FJX1: variants seen among roughly 807,000 people sequenced by gnomAD.
FJX1 encodes the protein four-jointed box protein 1.
FJX1 carries 21 observed loss-of-function variants against 28.7 expected under a neutral mutation model. The observed-to-expected ratio is 0.73, with a 90% confidence interval of 0.52 to 1.05. FJX1 has a LOEUF of 1.05. Ranked by LOEUF, FJX1 falls within the 50% of genes least tolerant of loss-of-function variation. The probability of loss-of-function intolerance (pLI) is 0.00; values close to 1 mark genes in which losing one functional copy is unlikely to be tolerated. For synonymous variants in FJX1, 363 were observed against 310.0 expected (o/e 1.17, Z -1.80); for missense variants, 683 against 647.2 (o/e 1.06, Z -0.60).
In FJX1 at chr11:35,618,910, GGCCCGCCCC is replaced by G. The variant is rs1850857861; in HGVS notation, c.276_284del (p.Pro93_Arg95del). On this transcript the variant is annotated inframe_deletion, in exon 1 of 1. Coordinates refer to ENST00000317811, the MANE Select transcript of FJX1 (RefSeq NM_014344.4). The surrounding 1 kb of genome is among the most constrained non-coding windows in gnomAD (Gnocchi z 4.2). ...GCTCACCCTGGCGGCCGGCGCGGACGGCCCGCCCCGGCAGTCCCGGAGCGAGCCCAGGTG... is the reference window on the plus strand; with the variant it reads ...GCTCACCCTGGCGGCCGGCGCGGACGGGCAGTCCCGGAGCGAGCCCAGGTG... 5 of 1,401,756 alleles carry G rather than the reference GGCCCGCCCC, an allele frequency of 3.6e-6. No individual in the cohort carries two copies. The East Asian group carries it at 1.5e-4, about 43-fold the overall frequency. 86.8% of individuals were successfully genotyped at this position (1,401,756 alleles called of 1,614,324 possible).
Position 35,619,695 on chromosome 11 carries a change from G to A in FJX1, c.1059G>A (p.Trp353Ter). 6.2e-7 allele frequency: 1 copy of A among 1,603,158 alleles called. No homozygotes were observed. Among genetic ancestry groups the A allele is most frequent in the South Asian group, 1.1e-5 (1 of 90,146 alleles). The change falls in exon 1 of 1, where the codon TGG (tryptophan) becomes TGA (stop). Residue 353 changes from tryptophan (W) to a stop codon, truncating the protein, a stop_gained. Coordinates refer to ENST00000317811, the MANE Select transcript of FJX1 (RefSeq NM_014344.4). LOFTEE classifies it high-confidence loss of function. The surrounding 1 kb of genome is among the most constrained non-coding windows in gnomAD (Gnocchi z 7.6). ...LVHGYRVAGM[W>*]DKYNEPLLQS... is the part of the protein sequence containing the mutation. ...ACGGCTACCGGGTAGCAGGCATGTG[G>A]GACAAGTATAACGAGCCGCTGTTGC...
Position 35,620,493 on chromosome 11 carries a change from C to T in FJX1, c.*543C>T, listed in dbSNP as rs886998483. On this transcript the variant is annotated 3_prime_UTR_variant, in exon 1 of 1. Coordinates refer to ENST00000317811, the MANE Select transcript of FJX1 (RefSeq NM_014344.4). Reference sequence around the variant, plus strand: ...CACTGTTCCAAGCAGGGGGACGGCTCGCGATAGGACAAAGAGAGCAGGACC... The same window carrying T: ...CACTGTTCCAAGCAGGGGGACGGCTTGCGATAGGACAAAGAGAGCAGGACC... The T allele has an allele frequency of 5.6e-5, 11 of 195,156 alleles. No homozygotes were observed. The highest frequency in any genetic ancestry group is 1.0e-4 in the Non-Finnish European group (9 of 88,184). 12.1% of individuals were successfully genotyped at this position (195,156 alleles called of 1,614,324 possible). A position where few individuals can be genotyped will look rare whatever the true frequency, so the allele number is the denominator to read the frequency against.
At position 35,619,181 on chromosome 11, in the gene FJX1, G is replaced by A; in HGVS notation, c.545G>A (p.Gly182Asp). The A allele has an allele frequency of 1.3e-6, 2 of 1,581,926 alleles. No individual in the cohort carries two copies. The highest frequency in any genetic ancestry group is 8.5e-7 in the Non-Finnish European group (1 of 1,173,672). Residue 182 changes from glycine to aspartate, a missense_variant, in exon 1 of 1, where the codon GGC (glycine) becomes GAC (aspartate). By Grantham distance (94) the Gly-to-Asp change is moderately conservative. Transcript: ENST00000317811. The surrounding 1 kb of genome is among the most constrained non-coding windows in gnomAD (Gnocchi z 7.6). ...ADGTRACVRYGINPEQIQGEA... is the reference protein window; with the variant it reads ...ADGTRACVRYDINPEQIQGEA... Reference sequence around the variant, plus strand: ...GGCACCCGCGCCTGCGTGCGCTACGGCATCAACCCGGAGCAGATTCAGGGC... The same window carrying A: ...GGCACCCGCGCCTGCGTGCGCTACGACATCAACCCGGAGCAGATTCAGGGC...
Position 35,619,889 on chromosome 11 carries a change from A to C in FJX1, c.1253A>C (p.Asp418Ala), listed in dbSNP as rs752406921. The change falls in exon 1 of 1, where the codon GAC (aspartate) becomes GCC (alanine). Residue 418 changes from aspartate (D) to alanine (A), a missense_variant. Transcript: ENST00000317811. The surrounding 1 kb of genome is among the most constrained non-coding windows in gnomAD (Gnocchi z 7.6). ...PHAQLLQRRL[D>A]FLAKHILHCK... is the part of the protein sequence containing the mutation. ...GCTCAGCTGCTACAGCGCCGCCTCG[A>C]CTTCCTCGCCAAGCACATTTTGCAC... is the stretch of plus-strand genomic sequence containing the variant. 2.0e-5 allele frequency: 31 copies of C among 1,575,904 alleles called. No individual in the cohort carries two copies. Among genetic ancestry groups the C allele is most frequent in the Non-Finnish European group, 2.7e-5 (31 of 1,161,968 alleles).
chr11:35,618,514 C>T lies in FJX1; in HGVS notation c.-123C>T. 1 of 965,766 alleles carries T rather than the reference C, an allele frequency of 1.0e-6. No individual in the cohort carries two copies. The allele number at this position is 965,766 out of a possible 1,614,324, so 59.8% of individuals were successfully genotyped here. A position where few individuals can be genotyped will look rare whatever the true frequency, so the allele number is the denominator to read the frequency against. On this transcript the variant is annotated 5_prime_UTR_variant, in exon 1 of 1. Coordinates refer to ENST00000317811, the MANE Select transcript of FJX1 (RefSeq NM_014344.4). This position sits in a 1 kb window ranked among gnomAD's most constrained non-coding sequence, Gnocchi z 4.2. ...AGAGCCCCGCAGCGCCCCGCGGCCG[C>T]GATGGGGCCGAAGCGCCCGAAGCCC... is the stretch of plus-strand genomic sequence containing the variant.
chr11:35,619,096 G>A lies in FJX1; in HGVS notation c.460G>A (p.Val154Met). The change falls in exon 1 of 1, where the codon GTG becomes ATG. Residue 154 changes from valine (V) to methionine (M), a missense_variant. Coordinates refer to ENST00000317811, the MANE Select transcript of FJX1 (RefSeq NM_014344.4). The surrounding 1 kb of genome is among the most constrained non-coding windows in gnomAD (Gnocchi z 7.6). ...GGAGGCGGCTCGCGGCGCCCGGATG[G>A]TGGCCCTGGAGCGCGGGGGTTGCGG... is the stretch of plus-strand genomic sequence containing the variant. ...WLEAARGARMVALERGGCGRS... is the reference protein window; with the variant it reads ...WLEAARGARMMALERGGCGRS... The A allele has an allele frequency of 6.6e-7, 1 of 1,506,362 alleles. No individual in the cohort carries two copies. The allele number at this position is 1,506,362 out of a possible 1,614,324, so 93.3% of individuals were successfully genotyped here.
In FJX1 at chr11:35,619,407, C is replaced by G; in HGVS notation, c.771C>G (p.Pro257=). The part of the protein sequence containing the change: ...PNLTDVVVPA[P]WRSEDGRLRP... ...TCACGGACGTGGTGGTGCCCGCGCC[C>G]TGGCGCTCGGAGGACGGCCGTCTGC... is the stretch of plus-strand genomic sequence containing the variant. The change falls in exon 1 of 1, where the codon CCC becomes CCG. Residue 257 remains proline, a synonymous_variant. Coordinates refer to ENST00000317811, the MANE Select transcript of FJX1 (RefSeq NM_014344.4). The surrounding 1 kb of genome is among the most constrained non-coding windows in gnomAD (Gnocchi z 7.6). 1 of 1,596,842 alleles carries G rather than the reference C, an allele frequency of 6.3e-7. No homozygotes were observed. The highest frequency in any genetic ancestry group is 8.5e-7 in the Non-Finnish European group (1 of 1,178,978).
In FJX1 at chr11:35,618,551, A is replaced by C. The variant is rs1026682312; in HGVS notation, c.-86A>C. On this transcript the variant is annotated 5_prime_UTR_variant, in exon 1 of 1. Coordinates refer to ENST00000317811, the MANE Select transcript of FJX1 (RefSeq NM_014344.4). The surrounding 1 kb of genome is among the most constrained non-coding windows in gnomAD (Gnocchi z 4.2). The stretch of plus-strand genomic sequence containing the variant: ...AGCGCCCGAAGCCCCGGAGCCCACA[A>C]ACTGCCGGGCCCGCCTCGCCGCCGG... The C allele has an allele frequency of 2.9e-4, 307 of 1,067,642 alleles. 2 individuals are homozygous for C. Among genetic ancestry groups the C allele is most frequent in the Non-Finnish European group, 3.3e-4 (288 of 884,526 alleles). The allele number at this position is 1,067,642 out of a possible 1,614,324, so 66.1% of individuals were successfully genotyped here. A position where few individuals can be genotyped will look rare whatever the true frequency, so the allele number is the denominator to read the frequency against.
chr11:35,618,993 C>T lies in FJX1; in HGVS notation c.357C>T (p.His119=). 6.8e-7 allele frequency: 1 copy of T among 1,476,018 alleles called. No homozygotes were observed. Among genetic ancestry groups the T allele is most frequent in the South Asian group, 1.3e-5 (1 of 76,414 alleles). The allele number at this position is 1,476,018 out of a possible 1,614,324, so 91.4% of individuals were successfully genotyped here. Reference sequence around the variant, plus strand: ...GGCCGGAGGAGAGCGCCGCGGTGCACGGGGGCGTCTTCTGGAGCCGCGGCC... The same window carrying T: ...GGCCGGAGGAGAGCGCCGCGGTGCATGGGGGCGTCTTCTGGAGCCGCGGCC... The part of the protein sequence containing the change: ...QPRPEESAAV[H]GGVFWSRGLE... Residue 119 remains histidine (H), a synonymous_variant, in exon 1 of 1, where the codon CAC becomes CAT. Coordinates refer to ENST00000317811, the MANE Select transcript of FJX1 (RefSeq NM_014344.4). This position sits in a 1 kb window ranked among gnomAD's most constrained non-coding sequence, Gnocchi z 4.2.
Position 35,619,158 on chromosome 11 carries a change from C to T in FJX1, c.522C>T (p.Gly174=), listed in dbSNP as rs780134010. 2.5e-6 allele frequency: 4 copies of T among 1,574,836 alleles called. No homozygotes were observed. The Admixed American group carries it at 5.3e-5, about 21-fold the overall frequency. The change falls in exon 1 of 1, where the codon GGC becomes GGT. Residue 174 remains glycine, a synonymous_variant. Transcript: ENST00000317811. The surrounding 1 kb of genome is among the most constrained non-coding windows in gnomAD (Gnocchi z 7.6). ...SSNRLARFAD[G]TRACVRYGIN... ...ACCGACTGGCCCGTTTTGCCGACGG[C>T]ACCCGCGCCTGCGTGCGCTACGGCA...
chr11:35,618,563 C>T lies in FJX1; in HGVS notation c.-74C>T, dbSNP rs1702167596. The T allele has an allele frequency of 9.3e-7, 1 of 1,079,266 alleles. No individual in the cohort carries two copies. The highest frequency in any genetic ancestry group is 5.3e-5 in the Admixed American group (1 of 19,044). The allele number at this position is 1,079,266 out of a possible 1,614,324, so 66.9% of individuals were successfully genotyped here. ...CCCGGAGCCCACAAACTGCCGGGCC[C>T]GCCTCGCCGCCGGGACCCGGGTGCC... On this transcript the variant is annotated 5_prime_UTR_variant, in exon 1 of 1. Transcript: ENST00000317811. This position sits in a 1 kb window ranked among gnomAD's most constrained non-coding sequence, Gnocchi z 4.2.
Position 35,620,117 on chromosome 11 carries a change from G to GT in FJX1, c.*170dup. ...TGCCCCTTTCTTTCAATCCCACGCT[G>GT]TTTCCTTTCAAAGTTCTGGGAGGAC... On this transcript the variant is annotated 3_prime_UTR_variant, in exon 1 of 1. Coordinates refer to ENST00000317811, the MANE Select transcript of FJX1 (RefSeq NM_014344.4). 1.9e-6 allele frequency: 2 copies of GT among 1,056,882 alleles called. No homozygotes were observed. Among genetic ancestry groups the GT allele is most frequent in the Admixed American group, 2.9e-5 (1 of 35,006 alleles). The allele number at this position is 1,056,882 out of a possible 1,614,324, so 65.5% of individuals were successfully genotyped here. A position where few individuals can be genotyped will look rare whatever the true frequency, so the allele number is the denominator to read the frequency against.
Position 35,620,129 on chromosome 11 carries a change from A to G in FJX1, c.*179A>G. 1 of 957,636 alleles carries G rather than the reference A, an allele frequency of 1.0e-6. No individual in the cohort carries two copies. Among genetic ancestry groups the G allele is most frequent in the Non-Finnish European group, 1.5e-6 (1 of 647,544 alleles). The allele number at this position is 957,636 out of a possible 1,614,324, so 59.3% of individuals were successfully genotyped here. On this transcript the variant is annotated 3_prime_UTR_variant, in exon 1 of 1. Coordinates refer to ENST00000317811, the MANE Select transcript of FJX1 (RefSeq NM_014344.4). ...TCAATCCCACGCTGTTTCCTTTCAA[A>G]GTTCTGGGAGGACGAACTCACCGAG...
At position 35,619,267 on chromosome 11, in the gene FJX1, G is replaced by A. The variant is rs1230311305; in HGVS notation, c.631G>A (p.Ala211Thr). The change falls in exon 1 of 1, where the codon GCA becomes ACA. Residue 211 changes from alanine (A) to threonine (T), a missense_variant. Physicochemically the swap from Ala to Thr is moderately conservative, Grantham distance 58. Coordinates refer to ENST00000317811, the MANE Select transcript of FJX1 (RefSeq NM_014344.4). This position sits in a 1 kb window ranked among gnomAD's most constrained non-coding sequence, Gnocchi z 7.6. The stretch of plus-strand genomic sequence containing the variant: ...CCTCCAGCGCCACGTGCCGCCGCTG[G>A]CACTGGCTCGGGTGGAGGCTCGGGG... ...LGLQRHVPPL[A>T]LARVEARGAQ... is the part of the protein sequence containing the mutation. The A allele has an allele frequency of 6.4e-7, 1 of 1,565,792 alleles. No individual in the cohort carries two copies. The highest frequency in any genetic ancestry group is 8.6e-7 in the Non-Finnish European group (1 of 1,165,548).
Position 35,618,670 on chromosome 11 carries a change from G to A in FJX1, c.34G>A (p.Ala12Thr). The A allele has an allele frequency of 1.6e-6, 2 of 1,234,564 alleles. No homozygotes were observed. The highest frequency in any genetic ancestry group is 2.0e-6 in the Non-Finnish European group (2 of 984,818). The allele number at this position is 1,234,564 out of a possible 1,614,324, so 76.5% of individuals were successfully genotyped here. Reference protein sequence around the residue: ...GRRMRGAAATAGLWLLALGSL... With the variant: ...GRRMRGAAATTGLWLLALGSL... ...GAGGATGCGGGGCGCCGCCGCCACC[G>A]CGGGGCTCTGGCTGCTGGCGCTGGG... Residue 12 changes from alanine (A) to threonine (T), a missense_variant, in exon 1 of 1, where the codon GCG becomes ACG. Ala to Thr is a moderately conservative substitution (Grantham distance 58). Transcript: ENST00000317811. The surrounding 1 kb of genome is among the most constrained non-coding windows in gnomAD (Gnocchi z 4.2).
rs913444891 is a variant in FJX1 at position 35,620,311 on chromosome 11, C to T, written c.*361C>T. ...CCATTCTTGGGCCCCCCCTCATTCC[C>T]TTTCCGAAAAAGGAAAACTTGCGTT... On this transcript the variant is annotated 3_prime_UTR_variant, in exon 1 of 1. Transcript: ENST00000317811. 7 of 351,470 alleles carry T rather than the reference C, an allele frequency of 2.0e-5. No homozygotes were observed. Among genetic ancestry groups the T allele is most frequent in the South Asian group, 1.8e-4 (5 of 28,288 alleles). The allele number at this position is 351,470 out of a possible 1,614,324, so 21.8% of individuals were successfully genotyped here.
rs148087489 is a variant in FJX1, at chr11:35,619,583, C to G, written c.947C>G (p.Pro316Arg). The part of the protein sequence containing the change: ...VSNLFSLQWD[P>R]RVMQRATSNL... ...AACCTCTTCAGCCTGCAGTGGGACC[C>G]GCGCGTCATGCAGCGTGCCACCAGC... Residue 316 changes from proline (P) to arginine (R), a missense_variant, in exon 1 of 1, where the codon CCG becomes CGG. Transcript: ENST00000317811. The surrounding 1 kb of genome is among the most constrained non-coding windows in gnomAD (Gnocchi z 7.6). The G allele has an allele frequency of 2.8e-3, 4,483 of 1,606,120 alleles. 7 individuals carry two copies. Among genetic ancestry groups the G allele is most frequent in the Non-Finnish European group, 3.5e-3 (4,151 of 1,179,764 alleles).
At position 35,619,046 on chromosome 11, in the gene FJX1, C is replaced by T. The variant is rs1850860989; in HGVS notation, c.410C>T (p.Ser137Leu). Residue 137 changes from serine (S) to leucine (L), a missense_variant, in exon 1 of 1, where the codon TCG becomes TTG. Physicochemically the swap from Ser to Leu is moderately radical, Grantham distance 145 (BLOSUM62 -2). Transcript: ENST00000317811. This position sits in a 1 kb window ranked among gnomAD's most constrained non-coding sequence, Gnocchi z 7.6. ...GAGGAGCAGGTGCCCCCGGGCTTTT[C>T]GGAGGCCCAGGCGGCGGCGTGGCTG... Reference protein sequence around the residue: ...GLEEQVPPGFSEAQAAAWLEA... With the variant: ...GLEEQVPPGFLEAQAAAWLEA... The T allele has an allele frequency of 1.4e-6, 2 of 1,467,180 alleles. No individual in the cohort carries two copies. Among genetic ancestry groups the T allele is most frequent in the Non-Finnish European group, 8.9e-7 (1 of 1,121,798 alleles). 90.9% of individuals were successfully genotyped at this position (1,467,180 alleles called of 1,614,324 possible). A position where few individuals can be genotyped will look rare whatever the true frequency, so the allele number is the denominator to read the frequency against.
At position 35,619,209 on chromosome 11, in the gene FJX1, G is replaced by C. The variant is rs775843722; in HGVS notation, c.573G>C (p.Glu191Asp). ...YGINPEQIQGEALSYYLARLL... is the reference protein window; with the variant it reads ...YGINPEQIQGDALSYYLARLL... ...TCAACCCGGAGCAGATTCAGGGCGA[G>C]GCCCTGTCTTACTATCTGGCGCGCC... The change falls in exon 1 of 1, where the codon GAG becomes GAC. Residue 191 changes from glutamate to aspartate, a missense_variant. Physicochemically the swap from Glu to Asp is conservative, Grantham distance 45. Transcript: ENST00000317811. This position sits in a 1 kb window ranked among gnomAD's most constrained non-coding sequence, Gnocchi z 7.6. The C allele has an allele frequency of 2.5e-6, 4 of 1,588,394 alleles. No individual in the cohort carries two copies. Among genetic ancestry groups the C allele is most frequent in the Non-Finnish European group, 3.4e-6 (4 of 1,175,788 alleles).
Sources: allele counts gnomAD v4.1 joint callset, GRCh38; gene constraint gnomAD v4.1.1; non-coding constraint Gnocchi (gnomAD v3.1); transcripts MANE v1.5; gene names NCBI Gene and HGNC (gene_info 2026-07-23, HGNC 2026-07-21).